Variants in B4GALT1 observed in about 807,000 individuals in gnomAD.
B4GALT1 encodes N-acetyllactosamine synthase.
A neutral mutation model predicts 34.9 loss-of-function variants in B4GALT1; 16 were observed. The ratio of observed to expected loss-of-function variants is 0.46; its 90% CI spans 0.31 to 0.70. B4GALT1 has a LOEUF of 0.70. B4GALT1 is among the 30% of genes least tolerant of loss of function. The pLI, the probability that B4GALT1 is intolerant of heterozygous loss-of-function variation, is 0.05. For synonymous variants in B4GALT1, 221 were observed against 218.1 expected (o/e 1.01, Z -0.12); for missense variants, 445 against 530.5 (o/e 0.84, Z 1.58).
At chr9:33,167,910 G>A (rs1307338432), upstream of B4GALT1, among the ~76,000 whole-genome samples, 1 of 152,238 alleles carries the variant, frequency 6.6e-6, no homozygotes, top group Non-Finnish European at 1.5e-5. Flanking sequence ...TGCTTAACGG[G>A]GGGTCCTGCG....
In B4GALT1 at chr9:33,115,680, G is replaced by A. The variant is rs530349726; in HGVS notation, c.959+311C>T. Among the ~76,000 whole-genome samples, 94 of 152,286 alleles carry A rather than the reference G, an allele frequency of 6.2e-4. 1 individual carries two copies. Among genetic ancestry groups the A allele is most frequent in the African/African-American group, 1.8e-3 (73 of 41,546 alleles). On this transcript the variant is annotated intron_variant, in intron 4 of 5. Coordinates refer to ENST00000379731, the MANE Select transcript of B4GALT1 (RefSeq NM_001497.4). ...GTGAAAGGGGACCATAATGAAAGGA[G>A]GGATTTTTACAAAGGACATTGGTTT...
At chr9:33,125,204 G>A (rs1840073960) in intron 2 of B4GALT1, among the ~76,000 whole-genome samples, 1 of 152,208 alleles carries the variant, frequency 6.6e-6, no homozygotes, top group Non-Finnish European at 1.5e-5. Context: ...TCTGGAGGCG[G>A]TGCTGGGAGA....
chr9:33,176,354 T>G, the B4GALT1 span, among the ~76,000 whole-genome samples: 7 of 152,184 alleles, frequency 4.6e-5, no homozygotes, highest in Non-Finnish European at 8.8e-5. Context: ...TAATTTTATT[T>G]TTACTCAAAC....
intron 3 of B4GALT1, among the ~76,000 whole-genome samples, chr9:33,118,927 T>C (rs957226558): frequency 1.3e-5 from 2 of 151,908 alleles, no homozygotes; most frequent in African/African-American, 2.4e-5. Context: ...AATGGCGCGA[T>C]CTCAACTCAC....
chr9:33,109,337 C>T (rs1430182531), downstream of B4GALT1, among the ~76,000 whole-genome samples: 1 of 152,244 alleles, frequency 6.6e-6, no homozygotes, highest in Non-Finnish European at 1.5e-5. Flanking sequence ...CTCCCCCATG[C>T]CTTGCCCTAT....
chr9:33,104,543 G>A (rs1298904000), exon 3 of B4GALT1: 2 of 342,442 alleles, frequency 5.8e-6, no homozygotes, highest in Middle Eastern at 1.0e-3. Context: ...CATTTGTCTC[G>A]AGAACAGGTA....
chr9:33,135,637 G>A lies in B4GALT1; in HGVS notation c.413-213C>T, dbSNP rs1181555566. Reference sequence around the variant, plus strand: ...CATCCCCAGAAACCCCCTTCAGTGTGGGGCAAACCTAGATGGTTGGTCACT... The same window carrying A: ...CATCCCCAGAAACCCCCTTCAGTGTAGGGCAAACCTAGATGGTTGGTCACT... On this transcript the variant is annotated intron_variant, in intron 1 of 5. Transcript: ENST00000379731. Among the ~76,000 whole-genome samples, 7 of 152,302 alleles carry A rather than the reference G, an allele frequency of 4.6e-5. No homozygotes were observed. The East Asian group carries it at 5.8e-4, about 13-fold the overall frequency.
downstream of B4GALT1, among the ~76,000 whole-genome samples, chr9:33,106,853 C>T (rs1839800304): frequency 6.6e-6 from 1 of 152,190 alleles, no homozygotes; most frequent in African/African-American, 2.4e-5. Flanking sequence ...AACCAACTTG[C>T]CCAGCATCAC....
At chr9:33,157,119 A>C (rs1840606785) in intron 1 of B4GALT1, among the ~76,000 whole-genome samples, 2 of 37,946 alleles carry the variant, frequency 5.3e-5, no homozygotes, top group South Asian at 1.3e-3. Flanking sequence ...AGCATAGGGA[A>C]CTACACACAC....
chr9:33,157,491 T>C (rs925558248), intron 1 of B4GALT1, among the ~76,000 whole-genome samples: 3 of 152,164 alleles, frequency 2.0e-5, no homozygotes, highest in African/African-American at 7.2e-5. Flanking sequence ...CAACAAAAGA[T>C]AATTAGGATA....
intron 1 of B4GALT1, among the ~76,000 whole-genome samples, chr9:33,136,337 G>C (rs185961407): frequency 2.6e-5 from 4 of 152,208 alleles, no homozygotes; most frequent in African/African-American, 7.2e-5. Flanking sequence ...TGAGGAAAAC[G>C]TCACATACCG....
chr9:33,122,733 C>G (rs1840039252), intron 2 of B4GALT1, among the ~76,000 whole-genome samples: 1 of 152,138 alleles, frequency 6.6e-6, no homozygotes, highest in African/African-American at 2.4e-5. Context: ...AGTTTTCTAA[C>G]CCCGCGTGGT....
chr9:33,134,043 G>C (rs949186812), intron 2 of B4GALT1, among the ~76,000 whole-genome samples: 1 of 152,170 alleles, frequency 6.6e-6, no homozygotes, highest in African/African-American at 2.4e-5. Flanking sequence ...AGGATATTTG[G>C]GTCTGTTAAC....
Position 33,113,380 on chromosome 9 carries a change from G to C in B4GALT1, c.*74C>G. On this transcript the variant is annotated 3_prime_UTR_variant, in exon 6 of 6. Transcript: ENST00000379731. The stretch of plus-strand genomic sequence containing the variant: ...AGACTGGTAAAAATGAGAGGGACCA[G>C]CCCAGCAGATTGGCAGAGACACACA... The C allele has an allele frequency of 6.2e-7, 1 of 1,606,088 alleles. No homozygotes were observed. The highest frequency in any genetic ancestry group is 2.2e-5 in the East Asian group (1 of 44,834).
chr9:33,177,986 C>CT, the B4GALT1 span, among the ~76,000 whole-genome samples: 41,003 of 107,438 alleles, frequency 0.38, 8,748 homozygotes, highest in Middle Eastern at 0.49. Context: ...AAACAGAAGA[C>CT]TTTTTTTTTT....
rs529816917 is a variant in B4GALT1, at chr9:33,139,365, C to T, written c.413-3941G>A. ...TGAACAGCCTCTTCTCACTCTCCTG[C>T]TCCCTTCTGAACTCGCTGTGCCCCT... On this transcript the variant is annotated intron_variant, in intron 1 of 5. Transcript: ENST00000379731. 3.9e-5 allele frequency among the ~76,000 whole-genome samples: 6 copies of T among 152,312 alleles called. No homozygotes were observed. The East Asian group carries it at 9.7e-4, about 25-fold the overall frequency.
In B4GALT1 at chr9:33,113,783, T is replaced by C. The variant is rs551564683; in HGVS notation, c.1055A>G (p.Asn352Ser). The change falls in exon 5 of 6, where the codon AAT (asparagine) becomes AGT (serine). Residue 352 changes from asparagine (N) to serine (S), a missense_variant. By Grantham distance (46) the Asn-to-Ser change is conservative. Around this residue, in one of 3 missense-constraint regions of B4GALT1, gnomAD observed 89 missense variants for 107.6 expected, o/e 0.83. Coordinates refer to ENST00000379731, the MANE Select transcript of B4GALT1 (RefSeq NM_001497.4). The part of the protein sequence containing the change: ...RHSRDKKNEP[N>S]PQRFDRIAHT... ...TAAACAAAGAATGCACCTCTGAGGATTGGGTTCATTTTTCTTGTCTCTTGA... is the reference window on the plus strand; with the variant it reads ...TAAACAAAGAATGCACCTCTGAGGACTGGGTTCATTTTTCTTGTCTCTTGA... The C allele has an allele frequency of 5.6e-5, 90 of 1,613,954 alleles. 1 individual carries two copies. Among genetic ancestry groups the C allele is most frequent in the Non-Finnish European group, 2.9e-5 (34 of 1,180,004 alleles).
At chr9:33,104,178 C>T (rs897638299) in exon 3 of B4GALT1, 1 of 152,440 alleles carries the variant, frequency 6.6e-6, no homozygotes, top group African/African-American at 2.4e-5. Flanking sequence ...GTGTCCTGCC[C>T]ACTCTCCAAT....
At chr9:33,127,358 C>T (rs1022886207) in intron 2 of B4GALT1, among the ~76,000 whole-genome samples, 15 of 152,272 alleles carry the variant, frequency 9.9e-5, no homozygotes, top group Middle Eastern at 3.4e-3. Flanking sequence ...CGTGGCTTTC[C>T]GCAGATATAT....
Sources: gnomAD v4.1 joint callset for allele counts (sites outside exome capture counted in the v4.1 genomes callset) on GRCh38, gnomAD v4.1.1 for gene constraint, gnomAD v4.1.1 regional missense constraint, MANE v1.5 for transcripts, NCBI Gene and HGNC (gene_info 2026-07-23, HGNC 2026-07-21) for gene names.